The following ADAMTS18 variants were observed in gnomAD, a reference collection of about 807,000 sequenced individuals.
ADAMTS18 encodes the protein A disintegrin and metalloproteinase with thrombospondin motifs 18.
In ADAMTS18, 157 loss-of-function variants were observed where a neutral mutation model predicts 165.9. That is an observed-to-expected ratio of 0.95 (90% CI 0.83 to 1.08). The LOEUF (loss-of-function observed/expected upper bound fraction) is 1.08, where lower values mean the gene tolerates loss of function less well. Among genes scored for constraint, ADAMTS18 ranks in the 50% least tolerant of loss-of-function variants. The probability of loss-of-function intolerance (pLI) is 0.00; values close to 1 mark genes in which losing one functional copy is unlikely to be tolerated. For synonymous variants in ADAMTS18, 782 were observed against 578.2 expected (o/e 1.35, Z -5.06); for missense variants, 2,040 against 1,534.0 (o/e 1.33, Z -5.51).
intron 20 of ADAMTS18, among the ~76,000 whole-genome samples, chr16:77,292,827 CT>C (rs551979191): frequency 6.0e-5 from 9 of 150,100 alleles, no homozygotes; most frequent in South Asian, 2.1e-4. Context: ...CCAGCAGTGA[CT>C]TTTTTTTTTG....
At chr16:77,338,363 G>C (rs1197789220) in intron 11 of ADAMTS18, among the ~76,000 whole-genome samples, 1 of 152,036 alleles carries the variant, frequency 6.6e-6, no homozygotes, top group African/African-American at 2.4e-5. Flanking sequence ...AGCTTCCGGA[G>C]TAGCTGGGAT....
At position 77,418,144 on chromosome 16, in the gene ADAMTS18, C is replaced by T. The variant is rs189582580; in HGVS notation, c.495+13151G>A. ...AAAAGCAAATACACATCTATTAAAA[C>T]ATTCCCAGATGGGTTTTCTGCTGCC... On this transcript the variant is annotated intron_variant, in intron 3 of 22. Coordinates refer to ENST00000282849, the MANE Select transcript of ADAMTS18 (RefSeq NM_199355.4). Among the ~76,000 whole-genome samples, 1,218 of 152,242 alleles carry T rather than the reference C, an allele frequency of 8.0e-3. 10 individuals carry two copies. The highest frequency in any genetic ancestry group is 0.02 in the Middle Eastern group (6 of 294).
intron 3 of ADAMTS18, among the ~76,000 whole-genome samples, chr16:77,428,823 C>G (rs943500487): frequency 6.6e-6 from 1 of 152,142 alleles, no homozygotes; most frequent in African/African-American, 2.4e-5. Context: ...AATTGAAAAT[C>G]CACAACACTT....
intron 3 of ADAMTS18, among the ~76,000 whole-genome samples, chr16:77,410,215 T>C (rs1258892351): frequency 6.6e-6 from 1 of 151,952 alleles, no homozygotes; most frequent in African/African-American, 2.4e-5. Context: ...TACTCTATGA[T>C]ATTTTCTTTC....
rs535202251 is a variant in ADAMTS18, at chr16:77,288,689, C to G, written c.3550+575G>C. Among the ~76,000 whole-genome samples, 106 of 152,246 alleles carry G rather than the reference C, an allele frequency of 7.0e-4. 2 individuals are homozygous for G. The South Asian group carries it at 0.021, about 30-fold the overall frequency. ...ATCTTTATATATGGATTATAGTTGT[C>G]TCCTCCATTAAAATATGAGCTCCTT... On this transcript the variant is annotated intron_variant, in intron 22 of 22. Transcript: ENST00000282849.
intron 11 of ADAMTS18, 44 bp from the exon 12 acceptor site, chr16:77,335,948 G>C: frequency 6.2e-7 from 1 of 1,613,434 alleles, no homozygotes; most frequent in South Asian, 1.1e-5. Context: ...GAGACCACCT[G>C]GGAAAGCGCA....
At chr16:77,379,686 T>TTA (rs984128085) in intron 3 of ADAMTS18, among the ~76,000 whole-genome samples, 16 of 152,214 alleles carry the variant, frequency 1.1e-4, no homozygotes, top group African/African-American at 3.6e-4. Flanking sequence ...AGACTGGGTT[T>TTA]TAGCATGTTG....
At chr16:77,426,065 G>A (rs1332881128) in intron 3 of ADAMTS18, among the ~76,000 whole-genome samples, 1 of 151,722 alleles carries the variant, frequency 6.6e-6, no homozygotes, top group Non-Finnish European at 1.5e-5. Flanking sequence ...ACAGAAACGG[G>A]GAGTTGGTGG....
rs143757943 is a variant in ADAMTS18 at position 77,291,333 on chromosome 16, C to T, written c.3335G>A (p.Arg1112Gln). Reference sequence around the variant, plus strand: ...CACTGGATGGGCTGGGCAAGCCCGTCGGTTGCAGGTCTCTTCCAAGTCCAG... The same window carrying T: ...CACTGGATGGGCTGGGCAAGCCCGTTGGTTGCAGGTCTCTTCCAAGTCCAG... The part of the protein sequence containing the change: ...PNLDLEETCN[R>Q]RACPAHPVYN... Residue 1112 changes from arginine (R) to glutamine (Q), a missense_variant, in exon 21 of 23, where the codon CGA becomes CAA. Transcript: ENST00000282849. 49 of 1,614,196 alleles carry T rather than the reference C, an allele frequency of 3.0e-5. No individual in the cohort carries two copies. Among genetic ancestry groups the T allele is most frequent in the Non-Finnish European group, 3.6e-5 (42 of 1,180,026 alleles).
intron 3 of ADAMTS18, among the ~76,000 whole-genome samples, chr16:77,385,308 A>T (rs1004873809): frequency 4.6e-5 from 7 of 152,128 alleles, no homozygotes; most frequent in Admixed American, 1.3e-4. Context: ...TTGGTTTCTA[A>T]GTTTGGATAG....
intron 19 of ADAMTS18, 66 bp from the exon 20 acceptor site, chr16:77,293,324 A>C (rs568812641): frequency 5.8e-5 from 78 of 1,349,952 alleles, no homozygotes; most frequent in Non-Finnish European, 7.4e-5. Flanking sequence ...TAAAAAAAAA[A>C]ACAACACACT....
At chr16:77,348,847 G>A (rs1278022820) in intron 10 of ADAMTS18, among the ~76,000 whole-genome samples, 2 of 152,070 alleles carry the variant, frequency 1.3e-5, no homozygotes, top group South Asian at 2.1e-4. Flanking sequence ...GAAATAAGGA[G>A]GTAACACTTG....
chr16:77,405,303 C>A (rs570462348), intron 3 of ADAMTS18, among the ~76,000 whole-genome samples: 1 of 152,272 alleles, frequency 6.6e-6, no homozygotes, highest in South Asian at 2.1e-4. Context: ...CTTTTCAATA[C>A]CTCGAGCACC....
chr16:77,309,219 T>G (rs930753007), intron 16 of ADAMTS18, among the ~76,000 whole-genome samples: 2 of 133,204 alleles, frequency 1.5e-5, no homozygotes, highest in Non-Finnish European at 3.1e-5. Flanking sequence ...GCTGGCTAGT[T>G]TTTTTTTTTC....
At chr16:77,340,531 G>C (rs2056382298) in intron 11 of ADAMTS18, among the ~76,000 whole-genome samples, 1 of 151,984 alleles carries the variant, frequency 6.6e-6, no homozygotes, top group South Asian at 2.1e-4. Context: ...TACATCCCCA[G>C]AGTCTCCTGT....
intron 12 of ADAMTS18, among the ~76,000 whole-genome samples, chr16:77,329,344 C>G (rs1169694987): frequency 1.3e-5 from 2 of 152,124 alleles, no homozygotes; most frequent in Non-Finnish European, 2.9e-5. Flanking sequence ...CTCAAGCAAT[C>G]CTTCTGCCTT....
intron 3 of ADAMTS18, among the ~76,000 whole-genome samples, chr16:77,407,939 GATTC>G (rs1417234215): frequency 2.0e-5 from 3 of 151,914 alleles, no homozygotes; most frequent in African/African-American, 4.8e-5. Flanking sequence ...TTTAAAAAGT[GATTC>G]ATTATTAAAA....
intron 13 of ADAMTS18, among the ~76,000 whole-genome samples, chr16:77,323,544 T>G (rs1447643744): frequency 7.0e-6 from 1 of 143,784 alleles, no homozygotes; most frequent in Non-Finnish European, 1.5e-5. Flanking sequence ...AATTAACAAG[T>G]TTTAGAAAGT....
At chr16:77,409,237 C>G (rs546397836) in intron 3 of ADAMTS18, among the ~76,000 whole-genome samples, 3 of 152,126 alleles carry the variant, frequency 2.0e-5, no homozygotes, top group South Asian at 4.2e-4. Flanking sequence ...AAAGCAGAAA[C>G]TGAAATATTC....
Sources: allele counts gnomAD v4.1 joint callset (sites outside exome capture counted in the v4.1 genomes callset), GRCh38; gene constraint gnomAD v4.1.1; transcripts MANE v1.5; gene names NCBI Gene and HGNC (gene_info 2026-07-23, HGNC 2026-07-21).